SSBP2: variants seen among roughly 807,000 people sequenced by gnomAD.
SSBP2 encodes the protein single stranded DNA binding protein 2, also known as single-stranded DNA-binding protein 2.
SSBP2 carries 17 observed loss-of-function variants against 61.8 expected under a neutral mutation model. The observed-to-expected ratio is 0.28, with a 90% CI of 0.19 to 0.41. SSBP2 has a LOEUF of 0.41. SSBP2 is among the 10% of genes least tolerant of loss of function. SSBP2 has a pLI of 1.00. For missense variants in SSBP2, 310 were observed against 458.7 expected (o/e 0.68, Z 2.96); for synonymous variants, 139 against 141.3 (o/e 0.98, Z 0.12).
chr5:81,427,082 CTGAAT>C lies in SSBP2; in HGVS notation c.1056+1498_1056+1502del, dbSNP rs750058243. 1.4e-4 allele frequency among the ~76,000 whole-genome samples: 22 copies of C among 152,206 alleles called. 1 individual carries two copies. Among genetic ancestry groups the C allele is most frequent in the South Asian group, 2.1e-4 (1 of 4,826 alleles). Reference sequence around the variant, plus strand: ...TATAATAGGCTCAATAAATGTTAAACTGAATTGAATTATCAAATACCTCACTGAAT... The same window carrying C: ...TATAATAGGCTCAATAAATGTTAAACTGAATTATCAAATACCTCACTGAAT... On this transcript the variant is annotated intron_variant, in intron 16 of 16. Transcript: ENST00000320672.
chr5:81,751,004 C>A lies in SSBP2; in HGVS notation c.39G>T (p.Pro13=), dbSNP rs763496976. ...ACTTCTCCCGGGCCTGGCTGTCGGA[C>A]GGGACGGCGCTGCTGTTACTCTTGC... Residue 13 remains proline, a synonymous_variant, in exon 1 of 17, where the codon CCG becomes CCT. Coordinates refer to ENST00000320672, the MANE Select transcript of SSBP2 (RefSeq NM_012446.5). The A allele has an allele frequency of 6.3e-7, 1 of 1,599,242 alleles. No homozygotes were observed. Among genetic ancestry groups the A allele is most frequent in the Admixed American group, 1.7e-5 (1 of 58,214 alleles).
Position 81,442,760 on chromosome 5 carries a change from A to G in SSBP2, c.779-37T>C, listed in dbSNP as rs765351285. The G allele has an allele frequency of 3.5e-5, 40 of 1,155,988 alleles. No homozygotes were observed. The Admixed American group carries it at 8.4e-4, about 24-fold the overall frequency. The allele number at this position is 1,155,988 out of a possible 1,614,324, so 71.6% of individuals were successfully genotyped here. ...TATTACTTAATTAAAATATTTCTTT[A>G]GAGTCTATACCCAATTCATCACAAA... On this transcript the variant is annotated intron_variant, in intron 12 of 16. Coordinates refer to ENST00000320672, the MANE Select transcript of SSBP2 (RefSeq NM_012446.5).
chr5:81,668,925 A>G (rs1240773164), intron 1 of SSBP2, among the ~76,000 whole-genome samples: 1 of 152,152 alleles, frequency 6.6e-6, no homozygotes, highest in Non-Finnish European at 1.5e-5. Context: ...TGAAACTTAA[A>G]AACTGTGTCT....
At chr5:81,517,299 A>G (rs1293668805) in intron 4 of SSBP2, among the ~76,000 whole-genome samples, 1 of 151,162 alleles carries the variant, frequency 6.6e-6, no homozygotes, top group Non-Finnish European at 1.5e-5. Flanking sequence ...TGCTTTTATC[A>G]TGCACTGCCA....
At chr5:81,547,386 A>C (rs578042871) in intron 4 of SSBP2, among the ~76,000 whole-genome samples, 1 of 152,192 alleles carries the variant, frequency 6.6e-6, no homozygotes, top group Non-Finnish European at 1.5e-5. Context: ...TAGAGAAATA[A>C]ATTGTATCAC....
At chr5:81,520,588 G>A (rs185522139) in intron 4 of SSBP2, among the ~76,000 whole-genome samples, 28 of 152,002 alleles carry the variant, frequency 1.8e-4, no homozygotes, top group African/African-American at 5.8e-4. Flanking sequence ...TTCCAATTGT[G>A]GCCAGGTAAG....
intron 16 of SSBP2, among the ~76,000 whole-genome samples, chr5:81,427,146 A>G (rs773301138): frequency 5.9e-5 from 9 of 152,220 alleles, no homozygotes; most frequent in Non-Finnish European, 1.0e-4. Context: ...ATTACTCGAA[A>G]AGGAAATAAA....
chr5:81,524,116 C>G (rs981291773), intron 4 of SSBP2, among the ~76,000 whole-genome samples: 4 of 151,944 alleles, frequency 2.6e-5, no homozygotes, highest in Non-Finnish European at 2.9e-5. Context: ...ATAGTCATCC[C>G]TTAGGAAAAA....
intron 3 of SSBP2, among the ~76,000 whole-genome samples, chr5:81,634,241 GCTTAT>G (rs1368592622): frequency 6.6e-6 from 1 of 152,152 alleles, no homozygotes; most frequent in Non-Finnish European, 1.5e-5. Context: ...TTCCATAATT[GCTTAT>G]CTTAATCCAG....
At position 81,615,679 on chromosome 5, in the gene SSBP2, CTAT is replaced by C. The variant is rs1745939821; in HGVS notation, c.198-125_198-123del. On this transcript the variant is annotated intron_variant, in intron 3 of 16. Coordinates refer to ENST00000320672, the MANE Select transcript of SSBP2 (RefSeq NM_012446.5). The stretch of plus-strand genomic sequence containing the variant: ...AATGTTTTGTCTTCAGAACAGATAT[CTAT>C]CTGAAAGACTTAAACGCAAGCAAGG... 6.6e-6 allele frequency: 4 copies of C among 601,826 alleles called. No homozygotes were observed. The East Asian group carries it at 1.4e-4, about 22-fold the overall frequency. The allele number at this position is 601,826 out of a possible 1,614,324, so 37.3% of individuals were successfully genotyped here.
intron 5 of SSBP2, among the ~76,000 whole-genome samples, chr5:81,512,388 T>G (rs1221068478): frequency 6.6e-6 from 1 of 152,184 alleles, no homozygotes; most frequent in African/African-American, 2.4e-5. Flanking sequence ...AGAGTTTATA[T>G]ATGTAAAGCA....
chr5:81,698,340 C>T (rs1235276935), intron 1 of SSBP2, among the ~76,000 whole-genome samples: 2 of 152,132 alleles, frequency 1.3e-5, no homozygotes, highest in Admixed American at 1.3e-4. Flanking sequence ...AATGTTCTAC[C>T]TATTTTCATA....
At chr5:81,589,987 T>G (rs1474808989) in intron 4 of SSBP2, among the ~76,000 whole-genome samples, 3 of 152,124 alleles carry the variant, frequency 2.0e-5, no homozygotes, top group African/African-American at 7.2e-5. Context: ...CCCAACACTG[T>G]TGCATTGAAG....
chr5:81,422,615 T>TTA (rs1159745949), intron 16 of SSBP2, among the ~76,000 whole-genome samples: 1 of 152,114 alleles, frequency 6.6e-6, no homozygotes, highest in Non-Finnish European at 1.5e-5. Context: ...GTATGTAGGA[T>TTA]TATAGTGAGT....
intron 6 of SSBP2, among the ~76,000 whole-genome samples, chr5:81,476,436 T>C (rs1765601417): frequency 6.6e-6 from 1 of 152,246 alleles, no homozygotes; most frequent in South Asian, 2.1e-4. Flanking sequence ...ATTCTATCCC[T>C]ACCTATCATG....
intron 1 of SSBP2, among the ~76,000 whole-genome samples, chr5:81,666,337 G>C (rs1479242612): frequency 6.6e-6 from 1 of 152,136 alleles, no homozygotes; most frequent in East Asian, 1.9e-4. Context: ...AATTGCATTA[G>C]TTAACACAGA....
intron 4 of SSBP2, among the ~76,000 whole-genome samples, chr5:81,568,282 G>A (rs1465503926): frequency 6.6e-6 from 1 of 152,112 alleles, no homozygotes; most frequent in Non-Finnish European, 1.5e-5. Context: ...TGTTCTTGTG[G>A]TAGTGAATAA....
At chr5:81,627,704 T>C (rs897898616) in intron 3 of SSBP2, among the ~76,000 whole-genome samples, 13 of 152,210 alleles carry the variant, frequency 8.5e-5, no homozygotes, top group Non-Finnish European at 1.8e-4. Flanking sequence ...TTTCAGGATA[T>C]AAATACAGGG....
At chr5:81,462,277 C>G (rs1205619861) in intron 9 of SSBP2, among the ~76,000 whole-genome samples, 1 of 152,170 alleles carries the variant, frequency 6.6e-6, no homozygotes, top group Admixed American at 6.5e-5. Flanking sequence ...GCCCACAGGC[C>G]ACAGGTTGGA....
Sources: gnomAD v4.1 joint callset for allele counts (sites outside exome capture counted in the v4.1 genomes callset) on GRCh38, gnomAD v4.1.1 for gene constraint, MANE v1.5 for transcripts, NCBI Gene and HGNC (gene_info 2026-07-23, HGNC 2026-07-21) for gene names.